Variants in TGFBR3 observed in about 807,000 individuals in gnomAD.
The protein encoded by TGFBR3 is transforming growth factor beta receptor 3, also known as transforming growth factor beta receptor type 3.
A neutral mutation model predicts 87.9 loss-of-function variants in TGFBR3; 46 were observed. The observed-to-expected ratio is 0.52, with a 90% confidence interval of 0.41 to 0.67. The LOEUF (loss-of-function observed/expected upper bound fraction) is 0.67, where lower values mean the gene tolerates loss of function less well. Among genes scored for constraint, TGFBR3 ranks in the 30% least tolerant of loss-of-function variants. TGFBR3 has a pLI of 0.00. For missense variants in TGFBR3, 866 were observed against 1,041.9 expected (o/e 0.83, Z 2.32); for synonymous variants, 381 against 391.6 (o/e 0.97, Z 0.32).
At chr1:91,805,160 C>T (rs1259869888) in intron 2 of TGFBR3, among the ~76,000 whole-genome samples, 2 of 152,194 alleles carry the variant, frequency 1.3e-5, no homozygotes, top group Admixed American at 6.5e-5. Context: ...TGCTTCCTGG[C>T]AGTAATGTCC....
At chr1:91,686,176 G>A (rs901503023) in intron 16 of TGFBR3, among the ~76,000 whole-genome samples, 5 of 152,130 alleles carry the variant, frequency 3.3e-5, no homozygotes, top group Non-Finnish European at 7.4e-5. Context: ...AAAAGTGCCA[G>A]GACTATGCCC....
intron 2 of TGFBR3, among the ~76,000 whole-genome samples, chr1:91,821,687 C>T (rs894538875): frequency 1.3e-5 from 2 of 152,178 alleles, no homozygotes; most frequent in African/African-American, 2.4e-5. Context: ...AGCAACTCTA[C>T]GGACCTGGGG....
At chr1:91,860,527 C>T (rs1678139353) in intron 2 of TGFBR3, among the ~76,000 whole-genome samples, 1 of 152,166 alleles carries the variant, frequency 6.6e-6, no homozygotes, top group Non-Finnish European at 1.5e-5. Flanking sequence ...TAAGTAACCC[C>T]TCACAGTAAA....
intron 3 of TGFBR3, among the ~76,000 whole-genome samples, chr1:91,769,689 T>A (rs1674307806): frequency 6.6e-6 from 1 of 152,056 alleles, no homozygotes. Flanking sequence ...ATGCCCTGTT[T>A]CCATGTGTGT....
chr1:91,869,620 C>T (rs965013714), intron 1 of TGFBR3, among the ~76,000 whole-genome samples: 3 of 152,164 alleles, frequency 2.0e-5, no homozygotes, highest in Non-Finnish European at 2.9e-5. Context: ...GCTGAGATCA[C>T]GCCACTGCAT....
intron 8 of TGFBR3, 111 bp from the exon 9 acceptor site, chr1:91,720,341 CT>C (rs1050783897): frequency 1.2e-4 from 130 of 1,070,668 alleles, no homozygotes; most frequent in South Asian, 5.0e-4. Context: ...TGTAAAATGA[CT>C]TTTAATAAGC....
chr1:91,902,234 G>T (rs1316441253), intron 1 of TGFBR3, among the ~76,000 whole-genome samples: 1 of 150,060 alleles, frequency 6.7e-6, no homozygotes, highest in African/African-American at 2.4e-5. Context: ...AGAGAACATA[G>T]TTCTGTTTGA....
chr1:91,764,982 A>C (rs993447246), intron 3 of TGFBR3, among the ~76,000 whole-genome samples: 1 of 152,220 alleles, frequency 6.6e-6, no homozygotes, highest in Non-Finnish European at 1.5e-5. Flanking sequence ...CATGCTGCCC[A>C]GGATGGCTTT....
Position 91,680,885 on chromosome 1 carries a change from G to T in TGFBR3, c.*2854C>A, listed in dbSNP as rs755904238. ...AAACCATTTTTTTTGTTTAGAAAAT[G>T]CTATAGAAACAGTTTAGACAGAAGA... On this transcript the variant is annotated 3_prime_UTR_variant, in exon 17 of 17. Transcript: ENST00000212355. 5 of 450,238 alleles carry T rather than the reference G, an allele frequency of 1.1e-5. No individual in the cohort carries two copies. The highest frequency in any genetic ancestry group is 1.8e-5 in the Non-Finnish European group (4 of 225,130). The allele number at this position is 450,238 out of a possible 1,614,324, so 27.9% of individuals were successfully genotyped here.
chr1:91,790,451 A>G (rs1479448163), intron 3 of TGFBR3, among the ~76,000 whole-genome samples: 4 of 152,240 alleles, frequency 2.6e-5, no homozygotes, highest in Non-Finnish European at 5.9e-5. Flanking sequence ...TGTCTCTGTC[A>G]TGAAGCAATG....
chr1:91,708,904 A>C, intron 13 of TGFBR3, 121 bp from the exon 14 acceptor site: 2 of 1,400,916 alleles, frequency 1.4e-6, no homozygotes, highest in Non-Finnish European at 2.0e-6. Flanking sequence ...CACTACAGAA[A>C]AGCAAGAAGG....
intron 4 of TGFBR3, among the ~76,000 whole-genome samples, chr1:91,747,064 T>C (rs1673375230): frequency 6.6e-6 from 1 of 152,208 alleles, no homozygotes; most frequent in Non-Finnish European, 1.5e-5. Context: ...TCATATCTGA[T>C]AGTGGAAACA....
At chr1:91,773,601 G>A (rs1674463648) in intron 3 of TGFBR3, among the ~76,000 whole-genome samples, 1 of 152,212 alleles carries the variant, frequency 6.6e-6, no homozygotes, top group Admixed American at 6.5e-5. Flanking sequence ...AGAATTGCAT[G>A]AATGCAGGAG....
chr1:91,825,723 G>A (rs560263877), intron 2 of TGFBR3, among the ~76,000 whole-genome samples: 2 of 152,366 alleles, frequency 1.3e-5, no homozygotes, highest in South Asian at 4.1e-4. Context: ...GCTCACGCCT[G>A]TAATCCTAGC....
chr1:91,798,910 C>G (rs1011392505), intron 2 of TGFBR3, among the ~76,000 whole-genome samples: 6 of 152,180 alleles, frequency 3.9e-5, no homozygotes, highest in South Asian at 2.1e-4. Flanking sequence ...CCTCCTTTCA[C>G]ATTGGCTGGA....
intron 10 of TGFBR3, among the ~76,000 whole-genome samples, chr1:91,717,548 A>G (rs1249659272): frequency 1.3e-5 from 2 of 152,176 alleles, no homozygotes; most frequent in Non-Finnish European, 2.9e-5. Flanking sequence ...ATGAAATCCT[A>G]ATTTCTTTTG....
At chr1:91,898,538 G>A (rs1375923183) in intron 2 of TGFBR3, among the ~76,000 whole-genome samples, 2 of 152,040 alleles carry the variant, frequency 1.3e-5, no homozygotes, top group East Asian at 3.8e-4. Context: ...CCGGGTTCAC[G>A]CCATTCTCCT....
At chr1:91,732,851 GGTAA>G (rs1672825168) in intron 5 of TGFBR3, among the ~76,000 whole-genome samples, 1 of 152,052 alleles carries the variant, frequency 6.6e-6, no homozygotes, top group East Asian at 1.9e-4. Context: ...TGGCTCTCAG[GGTAA>G]GTGACTACTG....
At chr1:91,885,752 G>A (rs1238421110) in intron 1 of TGFBR3, 126 bp downstream of exon 1, 2 of 189,854 alleles carry the variant, frequency 1.1e-5, no homozygotes, top group Non-Finnish European at 1.1e-5. Flanking sequence ...AGGTCCTGGC[G>A]GCTGGAGCGA....
Sources: gnomAD v4.1 joint callset for allele counts (sites outside exome capture counted in the v4.1 genomes callset) on GRCh38, gnomAD v4.1.1 for gene constraint, MANE v1.5 for transcripts, NCBI Gene and HGNC (gene_info 2026-07-23, HGNC 2026-07-21) for gene names.